Variants in MAPKAPK5 observed in about 807,000 individuals in gnomAD.
The protein encoded by MAPKAPK5 is MAP kinase-activated protein kinase 5.
A neutral mutation model predicts 65.1 loss-of-function variants in MAPKAPK5; 30 were observed. The observed-to-expected ratio is 0.46, with a 90% CI of 0.34 to 0.63. MAPKAPK5 has a LOEUF of 0.63. Among genes scored for constraint, MAPKAPK5 ranks in the 20% least tolerant of loss-of-function variants. The pLI is 0.01. For synonymous variants in MAPKAPK5, 179 were observed against 204.6 expected (o/e 0.87, Z 1.07); for missense variants, 433 against 581.4 (o/e 0.74, Z 2.63).
At chr12:111,851,058 C>T (rs1474842096) in intron 1 of MAPKAPK5, among the ~76,000 whole-genome samples, 1 of 152,016 alleles carries the variant, frequency 6.6e-6, no homozygotes, top group African/African-American at 2.4e-5. Flanking sequence ...GCCACCACGC[C>T]CAGCTAATTT....
In MAPKAPK5 at chr12:111,867,611, G is replaced by C; in HGVS notation, c.226G>C (p.Val76Leu). 3.1e-6 allele frequency: 5 copies of C among 1,613,958 alleles called. No individual in the cohort carries two copies. The highest frequency in any genetic ancestry group is 4.2e-6 in the Non-Finnish European group (5 of 1,179,888). Residue 76 changes from valine (V) to leucine (L), a missense_variant, in exon 4 of 14, where the codon GTT (valine) becomes CTT (leucine). Val to Leu is a conservative substitution (Grantham distance 32). Around this residue, in one of 3 missense-constraint regions of MAPKAPK5, gnomAD observed 165 missense variants for 180.0 expected, o/e 0.92. Coordinates refer to ENST00000550735, the MANE Select transcript of MAPKAPK5 (RefSeq NM_003668.4). ...HMMCATHPNIVQIIEVFANSV... is the reference protein window; with the variant it reads ...HMMCATHPNILQIIEVFANSV... Reference sequence around the variant, plus strand: ...GATGTGTGCCACACACCCAAACATAGTTCAGATTATTGAAGTGTTTGCTAA... The same window carrying C: ...GATGTGTGCCACACACCCAAACATACTTCAGATTATTGAAGTGTTTGCTAA...
intron 1 of MAPKAPK5, among the ~76,000 whole-genome samples, chr12:111,850,249 G>A (rs1283403770): frequency 6.6e-6 from 1 of 151,672 alleles, no homozygotes; most frequent in African/African-American, 2.4e-5. Context: ...GGCTGGTCTC[G>A]AACTCCTGAC....
chr12:111,868,754 G>T lies in MAPKAPK5; in HGVS notation c.286G>T (p.Ala96Ser). The T allele has an allele frequency of 6.5e-7, 1 of 1,548,050 alleles. No homozygotes were observed. The highest frequency in any genetic ancestry group is 2.4e-5 in the East Asian group (1 of 41,190). ...ACAAAATCAAATGCTTTCAAACAGG[G>T]CCCGACTCTTAATTGTAATGGAGAT... ...VQFPHESSPR[A>S]RLLIVMEMME... Residue 96 changes from alanine (A) to serine (S), a missense_variant and splice_region_variant, in exon 5 of 14, where the codon GCC becomes TCC. Physicochemically the swap from Ala to Ser is moderately conservative, Grantham distance 99 (BLOSUM62 1). Coordinates refer to ENST00000550735, the MANE Select transcript of MAPKAPK5 (RefSeq NM_003668.4).
intron 7 of MAPKAPK5, among the ~76,000 whole-genome samples, chr12:111,873,661 A>G (rs1036597765): frequency 6.6e-6 from 1 of 152,134 alleles, no homozygotes; most frequent in Non-Finnish European, 1.5e-5. Context: ...AGTTTTGTTG[A>G]AAACCAGCTG....
chr12:111,874,193 G>A (rs956909266), intron 7 of MAPKAPK5, among the ~76,000 whole-genome samples: 4 of 151,956 alleles, frequency 2.6e-5, no homozygotes, highest in African/African-American at 9.7e-5. Context: ...TCGGGAGTTC[G>A]AGACCAGCCT....
intron 1 of MAPKAPK5, among the ~76,000 whole-genome samples, chr12:111,858,577 T>G (rs1285790082): frequency 1.4e-5 from 2 of 139,956 alleles, no homozygotes; most frequent in Non-Finnish European, 3.0e-5. Context: ...GGAGTCTTGC[T>G]CTGTCACCCA....
rs1447962524 is a variant in MAPKAPK5, at chr12:111,883,967, T to C, written c.848+199T>C. Reference sequence around the variant, plus strand: ...GCGAATGAAGCTTTCCTCCCTCCTGTTGCATCCCTAGACTTTGTCCCCAGG... The same window carrying C: ...GCGAATGAAGCTTTCCTCCCTCCTGCTGCATCCCTAGACTTTGTCCCCAGG... On this transcript the variant is annotated intron_variant, in intron 9 of 13. Transcript: ENST00000550735. This position sits in a 1 kb window ranked among gnomAD's most constrained non-coding sequence, Gnocchi z 4.8. 2.6e-5 allele frequency among the ~76,000 whole-genome samples: 4 copies of C among 152,218 alleles called. No homozygotes were observed. Among genetic ancestry groups the C allele is most frequent in the African/African-American group, 7.2e-5 (3 of 41,448 alleles).
chr12:111,899,722 T>G lies in MAPKAPK5; in HGVS notation c.*6661T>G. Reference sequence around the variant, plus strand: ...CACTATGAAGGCTACATAGAAGGAGTGTCAGGTTCTTTTGTTTCTGTCAAC... The same window carrying G: ...CACTATGAAGGCTACATAGAAGGAGGGTCAGGTTCTTTTGTTTCTGTCAAC... On this transcript the variant is annotated 3_prime_UTR_variant, in exon 14 of 14. Transcript: ENST00000550735. 1 of 313,486 alleles carries G rather than the reference T, an allele frequency of 3.2e-6. No individual in the cohort carries two copies. Among genetic ancestry groups the G allele is most frequent in the Non-Finnish European group, 6.4e-6 (1 of 155,328 alleles). 19.4% of individuals were successfully genotyped at this position (313,486 alleles called of 1,614,324 possible).
At position 111,898,264 on chromosome 12, in the gene MAPKAPK5, G is replaced by A. The variant is rs1593200835; in HGVS notation, c.*5203G>A. 1 of 151,998 alleles carries A rather than the reference G, an allele frequency of 6.6e-6. No homozygotes were observed. The highest frequency in any genetic ancestry group is 2.1e-4 in the South Asian group (1 of 4,802). 9.4% of individuals were successfully genotyped at this position (151,998 alleles called of 1,614,324 possible). On this transcript the variant is annotated 3_prime_UTR_variant, in exon 14 of 14. Transcript: ENST00000550735. Reference sequence around the variant, plus strand: ...GCTTACTGCAACCTACGCCTCCTGGGTTCAAGCGATTCTCCTGCCTCACCT... The same window carrying A: ...GCTTACTGCAACCTACGCCTCCTGGATTCAAGCGATTCTCCTGCCTCACCT...
At chr12:111,865,216 A>T (rs1321749915) in intron 1 of MAPKAPK5, 34 bp from the exon 2 acceptor site, 1 of 1,377,930 alleles carries the variant, frequency 7.3e-7, no homozygotes, top group African/African-American at 1.4e-5. Flanking sequence ...CTGAGGAATC[A>T]TTCTCTGTCC....
chr12:111,888,102 G>C, intron 10 of MAPKAPK5: 1 of 212,384 alleles, frequency 4.7e-6, no homozygotes, highest in Non-Finnish European at 9.5e-6. Context: ...TGAGCTGTCA[G>C]GGCTGAGGTG....
At chr12:111,890,287 T>TG (rs759705236) in intron 13 of MAPKAPK5, 143 bp downstream of exon 13, 4 of 645,436 alleles carry the variant, frequency 6.2e-6, no homozygotes, top group African/African-American at 3.6e-5. Flanking sequence ...CATTGTGGAA[T>TG]GGGGGTTAGC....
chr12:111,862,628 G>T (rs915694078), intron 1 of MAPKAPK5, among the ~76,000 whole-genome samples: 1 of 152,124 alleles, frequency 6.6e-6, no homozygotes, highest in Non-Finnish European at 1.5e-5. Context: ...TTGAACTCGG[G>T]AGGCAGTGAG....
At chr12:111,889,873 G>A (rs755891993) in intron 12 of MAPKAPK5, 167 bp from the exon 13 acceptor site, 7 of 572,734 alleles carry the variant, frequency 1.2e-5, no homozygotes, top group Admixed American at 6.0e-5. Context: ...CATACCAGAT[G>A]CGGTCTACAT....
intron 1 of MAPKAPK5, among the ~76,000 whole-genome samples, chr12:111,850,959 C>T (rs2069062533): frequency 6.8e-6 from 1 of 147,408 alleles, no homozygotes; most frequent in East Asian, 2.0e-4. Flanking sequence ...AGTGCAGTGG[C>T]ACGATCGCGG....
At chr12:111,891,171 G>A (rs1320045837) in intron 13 of MAPKAPK5, among the ~76,000 whole-genome samples, 2 of 151,392 alleles carry the variant, frequency 1.3e-5, no homozygotes, top group African/African-American at 4.9e-5. Context: ...TTGACTTACT[G>A]CAACCTCCCC....
chr12:111,856,195 T>C (rs970309170), intron 1 of MAPKAPK5, among the ~76,000 whole-genome samples: 4 of 152,110 alleles, frequency 2.6e-5, no homozygotes, highest in Non-Finnish European at 5.9e-5. Context: ...TTCCCAACTT[T>C]CCCTTCTGTT....
chr12:111,842,873 T>C (rs552728337), intron 1 of MAPKAPK5, 104 bp downstream of exon 1: 168 of 1,146,856 alleles, frequency 1.5e-4, no homozygotes, highest in South Asian at 4.4e-4. Context: ...TTCCATCGAC[T>C]ACCGGGTTTC....
At position 111,888,599 on chromosome 12, in the gene MAPKAPK5, C is replaced by T. The variant is rs747593345; in HGVS notation, c.1081C>T (p.Arg361Trp). ...GCACTCAGTGAACAACCCCATTCTG[C>T]GGAAGAGGAAGTTACTTGGGTAACT... ...PLHSVNNPIL[R>W]KRKLLGTKPK... Residue 361 changes from arginine to tryptophan, a missense_variant, in exon 11 of 14, where the codon CGG becomes TGG. Arg to Trp is a moderately radical substitution (Grantham distance 101). Coordinates refer to ENST00000550735, the MANE Select transcript of MAPKAPK5 (RefSeq NM_003668.4). 14 of 1,613,046 alleles carry T rather than the reference C, an allele frequency of 8.7e-6. No homozygotes were observed. Among genetic ancestry groups the T allele is most frequent in the African/African-American group, 2.7e-5 (2 of 74,878 alleles).
Sources: allele counts gnomAD v4.1 joint callset (sites outside exome capture counted in the v4.1 genomes callset), GRCh38; gene constraint gnomAD v4.1.1; regional missense constraint gnomAD v4.1.1; non-coding constraint Gnocchi (gnomAD v3.1); transcripts MANE v1.5; gene names NCBI Gene and HGNC (gene_info 2026-07-23, HGNC 2026-07-21).